Variants in FLNB observed in about 807,000 individuals in gnomAD.
FLNB encodes filamin-B.
In FLNB, 111 loss-of-function variants were observed where a neutral mutation model predicts 250.6. The ratio of observed to expected loss-of-function variants is 0.44; its 90% CI spans 0.38 to 0.52. FLNB has a LOEUF of 0.52. Ranked by LOEUF, FLNB falls within the 20% of genes least tolerant of loss-of-function variation. The pLI, the probability that FLNB is intolerant of heterozygous loss-of-function variation, is 0.00. For synonymous variants in FLNB, 1,302 were observed against 1,372.1 expected, an observed-to-expected ratio of 0.95 and a Z score of 1.13; for missense variants, 2,869 against 3,447.8, an observed-to-expected ratio of 0.83 and a Z score of 4.20.
chr3:58,133,475 G>A (rs1034129398), intron 26 of FLNB, among the ~76,000 whole-genome samples: 11 of 136,000 alleles, frequency 8.1e-5, no homozygotes, highest in African/African-American at 2.9e-4. Flanking sequence ...AGCAATAGTA[G>A]TAGACAATCA....
chr3:58,109,364 C>G (rs1576733681), intron 14 of FLNB, 42 bp downstream of exon 14: 1 of 1,598,446 alleles, frequency 6.3e-7, no homozygotes, highest in Non-Finnish European at 8.5e-7. Flanking sequence ...ATGGAAATGC[C>G]TGGTCATACA....
At chr3:58,090,265 A>C (rs1006901117) in intron 4 of FLNB, among the ~76,000 whole-genome samples, 1 of 151,948 alleles carries the variant, frequency 6.6e-6, no homozygotes, top group Non-Finnish European at 1.5e-5. Context: ...GGTCGTCAAG[A>C]GCAGTAATGT....
intron 1 of FLNB, among the ~76,000 whole-genome samples, chr3:58,052,145 A>C (rs13314130): frequency 0.057 from 8,678 of 152,128 alleles, 787 homozygotes; most frequent in African/African-American, 0.2. Flanking sequence ...ACCTCGGCCT[A>C]CCAAAGTGCT....
At position 58,103,530 on chromosome 3, in the gene FLNB, G is replaced by A. The variant is rs148932638; in HGVS notation, c.1484-429G>A. ...TCCAGCTTTAGATGGAAAAGTATAC[G>A]CTGGAACACTGAACCTAAAACTCAT... On this transcript the variant is annotated intron_variant, in intron 9 of 45. Coordinates refer to ENST00000295956, the MANE Select transcript of FLNB (RefSeq NM_001457.4). 2.4e-3 allele frequency among the ~76,000 whole-genome samples: 369 copies of A among 152,270 alleles called. 3 individuals are homozygous for A. The highest frequency in any genetic ancestry group is 8.3e-3 in the African/African-American group (345 of 41,550).
intron 1 of FLNB, among the ~76,000 whole-genome samples, chr3:58,027,531 C>G (rs563447688): frequency 6.6e-6 from 1 of 152,176 alleles, no homozygotes; most frequent in African/African-American, 2.4e-5. Flanking sequence ...ATCTGCCCAC[C>G]TCGGCCTCCC....
chr3:58,105,368 G>A, intron 11 of FLNB, 152 bp downstream of exon 11: 1 of 952,354 alleles, frequency 1.1e-6, no homozygotes, highest in Non-Finnish European at 1.6e-6. Context: ...GCGTGCTGCT[G>A]TACATTTGCA....
chr3:58,036,217 C>G (rs548533199), intron 1 of FLNB, among the ~76,000 whole-genome samples: 1 of 152,162 alleles, frequency 6.6e-6, no homozygotes, highest in East Asian at 1.9e-4. Flanking sequence ...AACCACCTAA[C>G]GAGTTCACCT....
chr3:58,011,611 T>TCA (rs2097099114), intron 1 of FLNB, among the ~76,000 whole-genome samples: 1 of 152,212 alleles, frequency 6.6e-6, no homozygotes, highest in Admixed American at 6.5e-5. Context: ...CCTTCATCCT[T>TCA]CAAGGCAAAG....
chr3:58,095,744 G>A (rs1054624208), intron 5 of FLNB, among the ~76,000 whole-genome samples: 1 of 152,180 alleles, frequency 6.6e-6, no homozygotes, highest in African/African-American at 2.4e-5. Flanking sequence ...TTTACAGATG[G>A]ATGGTCCATT....
intron 18 of FLNB, among the ~76,000 whole-genome samples, chr3:58,114,686 G>A (rs1233201367): frequency 6.7e-6 from 1 of 149,260 alleles, no homozygotes; most frequent in Non-Finnish European, 1.5e-5. Flanking sequence ...CCACATCCTT[G>A]CTAACATTTG....
rs2097309752 is a variant in FLNB at position 58,132,856 on chromosome 3, C to T, written c.4439C>T (p.Thr1480Ile). The change falls in exon 26 of 46, where the codon ACA becomes ATA. Residue 1480 changes from threonine to isoleucine, a missense_variant. Thr to Ile is a moderately conservative substitution (Grantham distance 89). This residue lies in a region of FLNB where 126 missense variants were observed against 182.0 expected (regional missense o/e 0.69). Transcript: ENST00000295956. ...NVVDNGDGTH[T>I]VTYTPSQEGP... Reference sequence around the variant, plus strand: ...GTGGACAATGGAGATGGCACACACACAGTAACCTACACCCCATCTCAGGAG... The same window carrying T: ...GTGGACAATGGAGATGGCACACACATAGTAACCTACACCCCATCTCAGGAG... 6.2e-7 allele frequency: 1 copy of T among 1,613,964 alleles called. No homozygotes were observed. The highest frequency in any genetic ancestry group is 1.7e-5 in the Admixed American group (1 of 60,010).
intron 2 of FLNB, among the ~76,000 whole-genome samples, chr3:58,078,064 T>A (rs887826371): frequency 2.0e-5 from 3 of 152,226 alleles, no homozygotes; most frequent in Admixed American, 6.5e-5. Flanking sequence ...CTTGACATAC[T>A]CAAAGCAGAA....
Position 58,097,957 on chromosome 3 carries a change from A to G in FLNB, c.1127A>G (p.Tyr376Cys). The G allele has an allele frequency of 6.2e-7, 1 of 1,614,070 alleles. No individual in the cohort carries two copies. Among genetic ancestry groups the G allele is most frequent in the South Asian group, 1.1e-5 (1 of 91,076 alleles). The change falls in exon 7 of 46, where the codon TAC becomes TGC. Residue 376 changes from tyrosine to cysteine, a missense_variant. Tyr to Cys is a radical substitution (Grantham distance 194). Transcript: ENST00000295956. Reference protein sequence around the residue: ...AVGNIANKPTYFDIYTAGAGV... With the variant: ...AVGNIANKPTCFDIYTAGAGV... ...GGGAACATCGCCAATAAGCCCACCT[A>G]CTTTGACATCTATACGGCAGGTAAC...
At chr3:58,028,616 CT>C (rs58801511) in intron 1 of FLNB, among the ~76,000 whole-genome samples, 28,138 of 139,038 alleles carry the variant, frequency 0.2, 5,918 homozygotes, top group African/African-American at 0.51. Context: ...TTTTTCTTTT[CT>C]TTTTTTTTTT....
chr3:58,165,768 C>G (rs142149151), intron 43 of FLNB: 6 of 152,226 alleles, frequency 3.9e-5, no homozygotes, highest in African/African-American at 1.4e-4. Context: ...TCCAGGAACC[C>G]CAGTGTGCTC....
Position 58,094,820 on chromosome 3 carries a change from T to A in FLNB, c.788-16T>A. Reference sequence around the variant, plus strand: ...CCTCGCCTGGCTTCTAACATGTCTGTGTAAACCTGTGGCAGGAATCGAGCC... The same window carrying A: ...CCTCGCCTGGCTTCTAACATGTCTGAGTAAACCTGTGGCAGGAATCGAGCC... On this transcript the variant is annotated splice_polypyrimidine_tract_variant and intron_variant, in intron 4 of 45. Coordinates refer to ENST00000295956, the MANE Select transcript of FLNB (RefSeq NM_001457.4). The A allele has an allele frequency of 6.2e-7, 1 of 1,607,932 alleles. No homozygotes were observed. The highest frequency in any genetic ancestry group is 8.5e-7 in the Non-Finnish European group (1 of 1,174,332).
chr3:58,079,279 G>C (rs1283085440), intron 3 of FLNB, among the ~76,000 whole-genome samples: 1 of 147,108 alleles, frequency 6.8e-6, no homozygotes, highest in African/African-American at 2.6e-5. Context: ...TTGAGATGGA[G>C]TCTCGCTTTG....
chr3:58,104,278 G>A (rs989090791), intron 10 of FLNB, among the ~76,000 whole-genome samples, 193 bp downstream of exon 10: 1 of 151,382 alleles, frequency 6.6e-6, no homozygotes, highest in African/African-American at 2.4e-5. Flanking sequence ...GGTTTTAGCT[G>A]ACTTGCTTTA....
chr3:58,098,862 T>C lies in FLNB; in HGVS notation c.1299T>C (p.Ala433=), dbSNP rs192933125. The part of the protein sequence containing the change: ...PGPHVVKIFF[A]GDTIPKSPFV... ...CTCACGTGGTCAAGATCTTCTTTGCTGGGGACACTATTCCTAAGAGTCCCT... is the reference window on the plus strand; with the variant it reads ...CTCACGTGGTCAAGATCTTCTTTGCCGGGGACACTATTCCTAAGAGTCCCT... Residue 433 remains alanine, a synonymous_variant, in exon 8 of 46, where the codon GCT becomes GCC. Transcript: ENST00000295956. 1.2e-6 allele frequency: 2 copies of C among 1,614,158 alleles called. No individual in the cohort carries two copies. The highest frequency in any genetic ancestry group is 4.5e-5 in the East Asian group (2 of 44,868).
Sources: gnomAD v4.1 joint callset for allele counts (sites outside exome capture counted in the v4.1 genomes callset) on GRCh38, gnomAD v4.1.1 for gene constraint, gnomAD v4.1.1 regional missense constraint, MANE v1.5 for transcripts, NCBI Gene and HGNC (gene_info 2026-07-23, HGNC 2026-07-21) for gene names.